FNDC3A: variants seen among roughly 807,000 people sequenced by gnomAD.
The protein encoded by FNDC3A is fibronectin type III domain containing 3A.
A neutral mutation model predicts 148.9 loss-of-function variants in FNDC3A; 32 were observed. That is an observed-to-expected ratio of 0.21 (90% confidence interval 0.16 to 0.29). The LOEUF is 0.29. Ranked by LOEUF, FNDC3A falls within the 10% of genes least tolerant of loss-of-function variation. The pLI, the probability that FNDC3A is intolerant of heterozygous loss-of-function variation, is 1.00. For synonymous variants in FNDC3A, 472 were observed against 473.6 expected (o/e 1.00, Z 0.04); for missense variants, 1,191 against 1,452.8 (o/e 0.82, Z 2.93).
chr13:49,080,342 G>A (rs552609847), intron 3 of FNDC3A, among the ~76,000 whole-genome samples: 302 of 152,078 alleles, frequency 2.0e-3, no homozygotes, highest in Non-Finnish European at 3.8e-3. Context: ...TTGGTCATTG[G>A]TTAGATCTGT....
intron 4 of FNDC3A, among the ~76,000 whole-genome samples, chr13:49,121,047 TCTC>T (rs1182559920): frequency 3.3e-5 from 5 of 152,334 alleles, no homozygotes; most frequent in East Asian, 1.9e-4. Flanking sequence ...TATACATTCT[TCTC>T]AGCACCACAT....
intron 1 of FNDC3A, among the ~76,000 whole-genome samples, chr13:48,999,028 T>C (rs1952076398): frequency 6.6e-6 from 1 of 152,168 alleles, no homozygotes; most frequent in Non-Finnish European, 1.5e-5. Context: ...AGATCCAAAG[T>C]GCATGGGCCC....
chr13:49,012,833 G>GTGTGTGTGTT (rs1342316378), intron 2 of FNDC3A, among the ~76,000 whole-genome samples: 2 of 151,554 alleles, frequency 1.3e-5, no homozygotes, highest in Non-Finnish European at 2.9e-5. Flanking sequence ...GTGTGTGTGT[G>GTGTGTGTGTT]TGTGTGTATC....
chr13:49,106,896 T>C (rs1226380210), intron 3 of FNDC3A, among the ~76,000 whole-genome samples: 4 of 151,936 alleles, frequency 2.6e-5, no homozygotes. Context: ...AAACTACAGC[T>C]ATATGAAACT....
At chr13:49,078,451 A>T (rs1566236079) in intron 3 of FNDC3A, among the ~76,000 whole-genome samples, 1 of 152,214 alleles carries the variant, frequency 6.6e-6, no homozygotes, top group African/African-American at 2.4e-5. Flanking sequence ...TCTATATGAC[A>T]GATTGTAAGA....
intron 2 of FNDC3A, among the ~76,000 whole-genome samples, chr13:49,069,575 C>T (rs1186484389): frequency 6.6e-6 from 1 of 152,182 alleles, no homozygotes; most frequent in East Asian, 1.9e-4. Context: ...ACTGAGTCTT[C>T]AAGACACAGC....
chr13:49,185,260 T>C (rs2033720060), intron 14 of FNDC3A, among the ~76,000 whole-genome samples: 1 of 152,204 alleles, frequency 6.6e-6, no homozygotes. Context: ...TCCCAAAATT[T>C]AGCAGCTTGA....
chr13:49,090,570 C>T lies in FNDC3A; in HGVS notation c.175+15206C>T, dbSNP rs190038921. Among the ~76,000 whole-genome samples the T allele has an allele frequency of 4.1e-3, 627 of 152,142 alleles. 4 individuals carry two copies. The highest frequency in any genetic ancestry group is 0.014 in the African/African-American group (575 of 41,476). ...GAAGTGGGCAGCCATTGTTATTGTA[C>T]GACCCTCTATTGCAAGTGCCCCCCC... On this transcript the variant is annotated intron_variant, in intron 3 of 25. Coordinates refer to ENST00000492622, the MANE Select transcript of FNDC3A (RefSeq NM_001079673.2).
At chr13:48,993,592 CT>C (rs533715408) in intron 1 of FNDC3A, among the ~76,000 whole-genome samples, 4 of 152,010 alleles carry the variant, frequency 2.6e-5, no homozygotes, top group South Asian at 2.1e-4. Context: ...CATACATGAA[CT>C]TTTTTTTAAG....
chr13:49,074,906 C>T (rs1272974316), intron 2 of FNDC3A, among the ~76,000 whole-genome samples: 1 of 152,074 alleles, frequency 6.6e-6, no homozygotes, highest in Non-Finnish European at 1.5e-5. Flanking sequence ...CATACTAATT[C>T]AGATATGCTC....
intron 3 of FNDC3A, chr13:49,110,402 G>A: frequency 5.6e-6 from 9 of 1,598,076 alleles, no homozygotes; most frequent in Non-Finnish European, 7.7e-6. Context: ...AAAACGAAAT[G>A]AGTGGTAAGA....
intron 2 of FNDC3A, among the ~76,000 whole-genome samples, chr13:49,070,628 TC>T (rs1271949930): frequency 1.3e-5 from 2 of 152,196 alleles, no homozygotes; most frequent in Non-Finnish European, 1.5e-5. Flanking sequence ...ACTGTTAAGT[TC>T]TTTACTATCA....
rs757711670 is a variant in FNDC3A, at chr13:49,191,276, A to G, written c.2118A>G (p.Lys706=). 15 of 1,613,186 alleles carry G rather than the reference A, an allele frequency of 9.3e-6. No homozygotes were observed. The highest frequency in any genetic ancestry group is 1.3e-5 in the Non-Finnish European group (15 of 1,179,736). ...GTGTGGAAATGTCTCCTATAGAAAA[A>G]GATGAACCTAGAGAAGTTTACCAAG... ...CYSVEMSPIE[K]DEPREVYQGS... The change falls in exon 19 of 26, where the codon AAA becomes AAG. Residue 706 remains lysine, a synonymous_variant. Coordinates refer to ENST00000492622, the MANE Select transcript of FNDC3A (RefSeq NM_001079673.2).
rs548040650 is a variant in FNDC3A, at chr13:49,070,513, A to G, written c.100-4776A>G. ...TTTTGATACATGTATACAATGTCCA[A>G]TGATCAAATTAGGATAATTGGGATA... On this transcript the variant is annotated intron_variant, in intron 2 of 25. Transcript: ENST00000492622. Among the ~76,000 whole-genome samples, 8 of 152,346 alleles carry G rather than the reference A, an allele frequency of 5.3e-5. No individual in the cohort carries two copies. The East Asian group carries it at 9.6e-4, about 18-fold the overall frequency.
At chr13:49,070,560 CTT>C (rs1272316772) in intron 2 of FNDC3A, among the ~76,000 whole-genome samples, 1 of 152,148 alleles carries the variant, frequency 6.6e-6, no homozygotes, top group Non-Finnish European at 1.5e-5. Flanking sequence ...AAACATTTAT[CTT>C]TGTTTTGAAA....
intron 13 of FNDC3A, among the ~76,000 whole-genome samples, chr13:49,175,955 CAT>C (rs1262285251): frequency 5.9e-5 from 9 of 152,248 alleles, no homozygotes; most frequent in East Asian, 1.9e-4. Flanking sequence ...TCGAGATAAT[CAT>C]GTGGTTTTTG....
chr13:49,117,591 A>G (rs1236845412), intron 4 of FNDC3A, among the ~76,000 whole-genome samples: 3 of 152,022 alleles, frequency 2.0e-5, no homozygotes, highest in Non-Finnish European at 2.9e-5. Flanking sequence ...CCAACCACAG[A>G]TTGAAAATAT....
intron 8 of FNDC3A, among the ~76,000 whole-genome samples, chr13:49,158,632 A>C (rs1883882164): frequency 6.6e-6 from 1 of 151,978 alleles, no homozygotes; most frequent in Admixed American, 6.6e-5. Flanking sequence ...ATTAGATCCC[A>C]TTTGTCTATT....
At chr13:49,020,774 C>G (rs557121233) in intron 2 of FNDC3A, among the ~76,000 whole-genome samples, 1 of 152,310 alleles carries the variant, frequency 6.6e-6, no homozygotes, top group African/African-American at 2.4e-5. Context: ...TTAGAAGTAG[C>G]TTTAATATTT....
Sources: gnomAD v4.1 joint callset for allele counts (sites outside exome capture counted in the v4.1 genomes callset) on GRCh38, gnomAD v4.1.1 for gene constraint, MANE v1.5 for transcripts, NCBI Gene and HGNC (gene_info 2026-07-23, HGNC 2026-07-21) for gene names.